The following GLRB variants were observed in gnomAD, a reference collection of about 807,000 sequenced individuals.
GLRB encodes the protein glycine receptor subunit beta.
In GLRB, 33 loss-of-function variants were observed where a neutral mutation model predicts 54.2. The observed-to-expected ratio is 0.61, with a 90% CI of 0.46 to 0.81. The LOEUF (loss-of-function observed/expected upper bound fraction) is 0.81, where lower values mean the gene tolerates loss of function less well. Ranked by LOEUF, GLRB falls within the 40% of genes least tolerant of loss-of-function variation. GLRB has a pLI of 0.00. For synonymous variants in GLRB, 209 were observed against 208.2 expected, an observed-to-expected ratio of 1.00 and a Z score of -0.03; for missense variants, 572 against 584.6, an observed-to-expected ratio of 0.98 and a Z score of 0.22.
intron 2 of GLRB, among the ~76,000 whole-genome samples, chr4:157,119,929 C>CTATATAAT (rs1735743989): frequency 6.6e-6 from 1 of 151,816 alleles, no homozygotes; most frequent in African/African-American, 2.4e-5. Context: ...AAGACACATG[C>CTATATAAT]ACACATATGT....
chr4:157,138,429 A>G (rs902582371), intron 6 of GLRB, among the ~76,000 whole-genome samples: 2 of 152,320 alleles, frequency 1.3e-5, no homozygotes, highest in African/African-American at 4.8e-5. Flanking sequence ...TAAAAATCCC[A>G]GGGAGCATAT....
chr4:157,143,972 A>G lies in GLRB; in HGVS notation c.904+13A>G, dbSNP rs752476441. On this transcript the variant is annotated intron_variant, in intron 8 of 9. Transcript: ENST00000264428. ...AGAGTGCCCCTGGGTAAGGTGTTCC[A>G]TGCTTTTTTGTCACATCAGGAACAG... 14 of 1,612,538 alleles carry G rather than the reference A, an allele frequency of 8.7e-6. No homozygotes were observed. Among genetic ancestry groups the G allele is most frequent in the Non-Finnish European group, 1.2e-5 (14 of 1,178,896 alleles).
In GLRB at chr4:157,093,388, G is replaced by A. The variant is rs531775950; in HGVS notation, c.122+15242G>A. On this transcript the variant is annotated intron_variant, in intron 2 of 9. Transcript: ENST00000264428. Reference sequence around the variant, plus strand: ...TATTTCCTTTCCATGCTGTATGTATGCATATGTATTCATCTAATAAGATCA... The same window carrying A: ...TATTTCCTTTCCATGCTGTATGTATACATATGTATTCATCTAATAAGATCA... Among the ~76,000 whole-genome samples the A allele has an allele frequency of 2.6e-5, 4 of 152,224 alleles. No homozygotes were observed. In the South Asian group the frequency reaches 8.3e-4, roughly 32 times the overall value.
At chr4:157,159,063 A>T (rs111329263) in intron 9 of GLRB, among the ~76,000 whole-genome samples, 19,108 of 152,078 alleles carry the variant, frequency 0.13, 2,572 homozygotes, top group African/African-American at 0.34. Flanking sequence ...TGTAAGTTGG[A>T]TTCCTAGGTA....
chr4:157,083,712 G>A (rs555403803), intron 2 of GLRB, among the ~76,000 whole-genome samples: 1 of 152,014 alleles, frequency 6.6e-6, no homozygotes, highest in African/African-American at 2.4e-5. Context: ...TTTATTTTAG[G>A]GGAATTGACT....
chr4:157,115,296 C>T (rs1216626210), intron 2 of GLRB, among the ~76,000 whole-genome samples: 2 of 124,542 alleles, frequency 1.6e-5, no homozygotes, highest in Non-Finnish European at 3.3e-5. Flanking sequence ...ATTTCTGTTA[C>T]TGTAAGATAC....
At chr4:157,158,059 G>C (rs1737304845) in intron 9 of GLRB, among the ~76,000 whole-genome samples, 1 of 152,096 alleles carries the variant, frequency 6.6e-6, no homozygotes, top group African/African-American at 2.4e-5. Flanking sequence ...TCTCATTTTG[G>C]TTTTGATTTG....
At chr4:157,143,096 A>G (rs1359424470) in intron 7 of GLRB, among the ~76,000 whole-genome samples, 1 of 152,176 alleles carries the variant, frequency 6.6e-6, no homozygotes, top group South Asian at 2.1e-4. Context: ...ATTAGGTTGT[A>G]AAACAATTTC....
At chr4:157,104,169 A>C (rs534882421) in intron 2 of GLRB, among the ~76,000 whole-genome samples, 1 of 152,182 alleles carries the variant, frequency 6.6e-6, no homozygotes, top group South Asian at 2.1e-4. Flanking sequence ...CACTGTTGGG[A>C]ATGATGTTCT....
chr4:157,159,019 C>T (rs1022677238), intron 9 of GLRB, among the ~76,000 whole-genome samples: 27 of 152,080 alleles, frequency 1.8e-4, no homozygotes, highest in Admixed American at 1.0e-3. Context: ...AGCAGTAGTT[C>T]GTAGTTCTCC....
chr4:157,133,674 T>A (rs1736297616), intron 4 of GLRB, among the ~76,000 whole-genome samples: 1 of 152,000 alleles, frequency 6.6e-6, no homozygotes, highest in Non-Finnish European at 1.5e-5. Context: ...TTAGATGGAA[T>A]TTAAATAAAT....
At chr4:157,078,935 G>A (rs944159372) in intron 2 of GLRB, among the ~76,000 whole-genome samples, 4 of 152,122 alleles carry the variant, frequency 2.6e-5, no homozygotes, top group Non-Finnish European at 5.9e-5. Flanking sequence ...ACCACGCCCA[G>A]CTAATTTTTG....
chr4:157,170,015 A>C (rs1449377933), intron 9 of GLRB, among the ~76,000 whole-genome samples: 1 of 152,160 alleles, frequency 6.6e-6, no homozygotes. Context: ...AGGATCTATA[A>C]GGAAGTCAAA....
intron 6 of GLRB, among the ~76,000 whole-genome samples, chr4:157,138,506 C>A (rs951913568): frequency 6.6e-6 from 1 of 152,082 alleles, no homozygotes; most frequent in African/African-American, 2.4e-5. Flanking sequence ...TTATTGATGA[C>A]CATTAAAAAC....
Position 157,081,651 on chromosome 4 carries a change from C to T in GLRB, c.122+3505C>T, listed in dbSNP as rs550955064. On this transcript the variant is annotated intron_variant, in intron 2 of 9. Transcript: ENST00000264428. The stretch of plus-strand genomic sequence containing the variant: ...CTCATCAATTACTATCACTGGAATA[C>T]GTCTTACGTTTTCATTCCCATGTGG... 2.6e-5 allele frequency among the ~76,000 whole-genome samples: 4 copies of T among 152,274 alleles called. No homozygotes were observed. In the South Asian group the frequency reaches 6.2e-4, roughly 24 times the overall value.
At chr4:157,165,606 A>T (rs2126630228) in intron 9 of GLRB, among the ~76,000 whole-genome samples, 1 of 152,124 alleles carries the variant, frequency 6.6e-6, no homozygotes, top group South Asian at 2.1e-4. Flanking sequence ...AAAACATGTT[A>T]CCATGCCTAT....
At chr4:157,105,219 A>G (rs1313246625) in intron 2 of GLRB, among the ~76,000 whole-genome samples, 1 of 151,184 alleles carries the variant, frequency 6.6e-6, no homozygotes, top group Non-Finnish European at 1.5e-5. Context: ...TTTGCATCCC[A>G]TGTTTTAGTA....
At chr4:157,112,163 A>T (rs1735443169) in intron 2 of GLRB, among the ~76,000 whole-genome samples, 1 of 151,780 alleles carries the variant, frequency 6.6e-6, no homozygotes, top group Admixed American at 6.6e-5. Flanking sequence ...AAAAACCCTG[A>T]TGCCCGGGCC....
intron 1 of GLRB, among the ~76,000 whole-genome samples, chr4:157,077,257 GA>G (rs1040784820): frequency 2.0e-5 from 3 of 151,824 alleles, no homozygotes; most frequent in African/African-American, 7.3e-5. Flanking sequence ...ACGATAATTT[GA>G]AAAAAATGTA....
Sources: allele counts gnomAD v4.1 joint callset (sites outside exome capture counted in the v4.1 genomes callset), GRCh38; gene constraint gnomAD v4.1.1; transcripts MANE v1.5; gene names NCBI Gene and HGNC (gene_info 2026-07-23, HGNC 2026-07-21).